Variants in AFG2A observed in about 807,000 individuals in gnomAD.
The protein encoded by AFG2A is ATPase family gene 2 protein homolog A.
chr4:123,152,126 G>A, the AFG2A span, among the ~76,000 whole-genome samples: 60 of 152,016 alleles, frequency 3.9e-4, 1 homozygote, highest in East Asian at 6.0e-3. Flanking sequence ...GGGGCCTGTT[G>A]GGGGATGGGG....
At chr4:123,149,729 A>G in the AFG2A span, among the ~76,000 whole-genome samples, 1 of 151,958 alleles carries the variant, frequency 6.6e-6, no homozygotes, top group African/African-American at 2.4e-5. Flanking sequence ...AAGCCTAACT[A>G]ATGTGATTTT....
chr4:123,021,619 A>G, the AFG2A span, among the ~76,000 whole-genome samples: 13 of 152,222 alleles, frequency 8.5e-5, no homozygotes, highest in African/African-American at 3.1e-4. Flanking sequence ...TCACAGAGAG[A>G]TTATCCCACA....
the AFG2A span, among the ~76,000 whole-genome samples, chr4:122,984,097 C>A: frequency 6.6e-6 from 1 of 152,208 alleles, no homozygotes; most frequent in Non-Finnish European, 1.5e-5. Context: ...AAAAATCACA[C>A]TAGGGATGTG....
chr4:123,243,206 A>G, the AFG2A span, among the ~76,000 whole-genome samples: 1 of 152,230 alleles, frequency 6.6e-6, no homozygotes, highest in Non-Finnish European at 1.5e-5. Flanking sequence ...TCAAGGATCT[A>G]GAACTAGAAA....
At chr4:123,273,771 T>C in the AFG2A span, among the ~76,000 whole-genome samples, 5 of 152,158 alleles carry the variant, frequency 3.3e-5, no homozygotes, top group Non-Finnish European at 5.9e-5. Context: ...AAGATGTAGA[T>C]GAAACACAAA....
chr4:123,088,746 A>G, the AFG2A span, among the ~76,000 whole-genome samples: 4 of 152,090 alleles, frequency 2.6e-5, no homozygotes, highest in East Asian at 7.7e-4. Context: ...TGCCATGTGA[A>G]GAAAGTCCTT....
chr4:123,170,837 C>T, the AFG2A span, among the ~76,000 whole-genome samples: 1 of 151,624 alleles, frequency 6.6e-6, no homozygotes, highest in African/African-American at 2.4e-5. Flanking sequence ...TGGACTTTTT[C>T]TCACTTTTTA....
the AFG2A span, among the ~76,000 whole-genome samples, chr4:123,196,969 A>G: frequency 7.4e-3 from 1,135 of 152,354 alleles, 5 homozygotes; most frequent in Middle Eastern, 0.041. Flanking sequence ...TGTTACCAGT[A>G]TTAACAGTGG....
chr4:123,201,297 CT>C, the AFG2A span, among the ~76,000 whole-genome samples: 1 of 152,156 alleles, frequency 6.6e-6, no homozygotes, highest in Non-Finnish European at 1.5e-5. Context: ...GTCTTTATGG[CT>C]TAACTGTGTT....
chr4:123,061,856 T>C, the AFG2A span, among the ~76,000 whole-genome samples: 2 of 152,156 alleles, frequency 1.3e-5, no homozygotes, highest in African/African-American at 2.4e-5. Flanking sequence ...TTTGCTGAAG[T>C]AGTGTGACCT....
chr4:123,043,840 G>A, the AFG2A span, among the ~76,000 whole-genome samples: 2 of 152,288 alleles, frequency 1.3e-5, no homozygotes, highest in African/African-American at 4.8e-5. Flanking sequence ...AAGCTTTCCT[G>A]GGCATTTTTG....
At chr4:123,044,116 C>T in the AFG2A span, among the ~76,000 whole-genome samples, 2 of 119,400 alleles carry the variant, frequency 1.7e-5, no homozygotes, top group African/African-American at 5.0e-5. Context: ...ATCTTGATCC[C>T]ACTTGTTTAC....
the AFG2A span, among the ~76,000 whole-genome samples, chr4:123,264,337 T>C: frequency 6.6e-6 from 1 of 152,042 alleles, no homozygotes; most frequent in African/African-American, 2.4e-5. Context: ...CCAAACACCA[T>C]GTGTTCCCCA....
At chr4:123,055,317 T>A in the AFG2A span, among the ~76,000 whole-genome samples, 3 of 152,188 alleles carry the variant, frequency 2.0e-5, no homozygotes, top group Non-Finnish European at 4.4e-5. Flanking sequence ...GTGAAATAAA[T>A]CAACTGAGGA....
chr4:122,945,660 A>G, the AFG2A span, among the ~76,000 whole-genome samples: 5 of 152,122 alleles, frequency 3.3e-5, no homozygotes, highest in Non-Finnish European at 1.5e-5. Context: ...ACTGTCCTGC[A>G]CCCACTTTCT....
chr4:122,960,717 A>G, the AFG2A span, among the ~76,000 whole-genome samples: 1 of 152,160 alleles, frequency 6.6e-6, no homozygotes, highest in African/African-American at 2.4e-5. Flanking sequence ...ACCGAATCTA[A>G]TAATTGTAAC....
chr4:123,213,488 TA>T, the AFG2A span, among the ~76,000 whole-genome samples: 2 of 152,174 alleles, frequency 1.3e-5, no homozygotes, highest in Non-Finnish European at 2.9e-5. Flanking sequence ...ACAAAACTAG[TA>T]TTCACTGCAC....
At chr4:123,056,563 T>C in the AFG2A span, 79 of 595,292 alleles carry the variant, frequency 1.3e-4, no homozygotes, top group Non-Finnish European at 2.0e-4. Context: ...AGTGGTATTT[T>C]TTTTTCTTCA....
At chr4:122,949,532 G>A in the AFG2A span, among the ~76,000 whole-genome samples, 2 of 152,208 alleles carry the variant, frequency 1.3e-5, no homozygotes, top group South Asian at 2.1e-4. Context: ...TTCTTCTGGA[G>A]AGAGATAACC....
Sources: allele counts gnomAD v4.1 joint callset (sites outside exome capture counted in the v4.1 genomes callset), GRCh38; gene constraint gnomAD v4.1.1; transcripts MANE v1.5; gene names NCBI Gene and HGNC (gene_info 2026-07-23, HGNC 2026-07-21).